NTAQ1: variants seen among roughly 807,000 people sequenced by gnomAD.
The protein encoded by NTAQ1 is N-terminal glutamine amidase 1.
Under a neutral mutation model 28.2 loss-of-function variants are expected in NTAQ1, and 21 were observed. The observed-to-expected ratio is 0.74, with a 90% CI of 0.53 to 1.07. The LOEUF (loss-of-function observed/expected upper bound fraction) is 1.07. Among genes scored for constraint, NTAQ1 ranks in the 50% least tolerant of loss-of-function variants. The pLI, the probability that NTAQ1 is intolerant of heterozygous loss-of-function variation, is 0.00. For synonymous variants in NTAQ1, 105 were observed against 90.0 expected (o/e 1.17, Z -0.94); for missense variants, 264 against 256.6 (o/e 1.03, Z -0.20).
chr8:123,452,747 CA>C (rs11343352), downstream of NTAQ1, among the ~76,000 whole-genome samples: 79,923 of 145,760 alleles, frequency 0.55, 21,541 homozygotes, highest in Non-Finnish European at 0.59. Flanking sequence ...ACTAAAAATA[CA>C]AAAAAAAAAA....
At chr8:123,417,063 GGGA>G in intron 1 of NTAQ1, 131 bp downstream of exon 1, 1 of 894,062 alleles carries the variant, frequency 1.1e-6, no homozygotes, top group Non-Finnish European at 1.6e-6. Flanking sequence ...ACAGTTTTGC[GGGA>G]GGAGGGAGCG....
exon 7 of NTAQ1, among the ~76,000 whole-genome samples, chr8:123,467,650 C>A (rs1815988187): frequency 6.6e-6 from 1 of 152,262 alleles, no homozygotes; most frequent in South Asian, 2.1e-4. Context: ...GCAGTTAGAA[C>A]CAGACCAAAT....
At chr8:123,431,946 C>T (rs1416643882) in intron 3 of NTAQ1, among the ~76,000 whole-genome samples, 3 of 152,204 alleles carry the variant, frequency 2.0e-5, no homozygotes, top group African/African-American at 4.8e-5. Flanking sequence ...CGTGGTCTTA[C>T]TCCCCATCCT....
downstream of NTAQ1, among the ~76,000 whole-genome samples, chr8:123,452,678 G>A (rs1342881831): frequency 1.3e-5 from 2 of 151,984 alleles, no homozygotes; most frequent in Admixed American, 1.3e-4. Flanking sequence ...TAGGCGGGCG[G>A]ATCACCTGAG....
At chr8:123,442,975 C>T (rs569343533), downstream of NTAQ1, among the ~76,000 whole-genome samples, 4 of 151,256 alleles carry the variant, frequency 2.6e-5, no homozygotes, top group African/African-American at 9.7e-5. Flanking sequence ...GCCCCCTTCC[C>T]TAGAAATTTC....
intron 1 of NTAQ1, among the ~76,000 whole-genome samples, chr8:123,422,098 G>C (rs889209253): frequency 1.2e-5 from 1 of 85,768 alleles, no homozygotes; most frequent in African/African-American, 4.4e-5. Flanking sequence ...TTATAGATGT[G>C]AGCCACTGTG....
At chr8:123,425,353 A>G (rs950649792) in intron 1 of NTAQ1, among the ~76,000 whole-genome samples, 2 of 151,920 alleles carry the variant, frequency 1.3e-5, no homozygotes, top group South Asian at 2.1e-4. Flanking sequence ...CAGCCTCCCA[A>G]AGTGCTGGGA....
chr8:123,465,987 T>G (rs1815952678), intron 6 of NTAQ1, among the ~76,000 whole-genome samples: 1 of 152,190 alleles, frequency 6.6e-6, no homozygotes, highest in South Asian at 2.1e-4. Context: ...TCACAGTTTG[T>G]CATTCTGCAT....
Position 123,416,820 on chromosome 8 carries a change from C to T in NTAQ1, c.-30C>T. On this transcript the variant is annotated 5_prime_UTR_variant, in exon 1 of 6. Transcript: ENST00000287387. ...ACGTCTGGTCCAGTCGGTCTTCCTC[C>T]GGCCCGGGCCCTGGCCCAGCTAGCC... 2 of 1,519,470 alleles carry T rather than the reference C, an allele frequency of 1.3e-6. No individual in the cohort carries two copies. Among genetic ancestry groups the T allele is most frequent in the Non-Finnish European group, 1.8e-6 (2 of 1,134,286 alleles). The allele number at this position is 1,519,470 out of a possible 1,614,324, so 94.1% of individuals were successfully genotyped here. A position where few individuals can be genotyped will look rare whatever the true frequency, so the allele number is the denominator to read the frequency against.
chr8:123,437,186 G>C, intron 4 of NTAQ1, 24 bp from the exon 5 acceptor site: 1 of 1,612,964 alleles, frequency 6.2e-7, no homozygotes, highest in South Asian at 1.1e-5. Flanking sequence ...TCCCTAATGT[G>C]AGTGTATATT....
At chr8:123,443,492 G>A (rs943128319), downstream of NTAQ1, among the ~76,000 whole-genome samples, 16 of 152,202 alleles carry the variant, frequency 1.1e-4, no homozygotes, top group African/African-American at 3.9e-4. Flanking sequence ...ATTCTTTCCT[G>A]GGCAAAGCCA....
intron 6 of NTAQ1, among the ~76,000 whole-genome samples, chr8:123,455,924 CA>C (rs1222972726): frequency 6.6e-6 from 1 of 152,102 alleles, no homozygotes; most frequent in Non-Finnish European, 1.5e-5. Context: ...CAGAAAGTGG[CA>C]AGAGAGGTCA....
downstream of NTAQ1, among the ~76,000 whole-genome samples, chr8:123,470,031 G>T (rs1178111055): frequency 6.6e-6 from 1 of 152,212 alleles, no homozygotes; most frequent in Non-Finnish European, 1.5e-5. Context: ...GGTCATGAAG[G>T]TGTGGTCCCC....
chr8:123,468,978 CG>C (rs1230441023), exon 7 of NTAQ1, among the ~76,000 whole-genome samples: 2 of 152,068 alleles, frequency 1.3e-5, no homozygotes, highest in African/African-American at 2.4e-5. Flanking sequence ...ATTAGTAATG[CG>C]AACATCTTTT....
At chr8:123,445,280 C>T (rs1464682434), downstream of NTAQ1, among the ~76,000 whole-genome samples, 5 of 151,262 alleles carry the variant, frequency 3.3e-5, no homozygotes, top group East Asian at 1.9e-4. Flanking sequence ...CCCACCCCCC[C>T]GACAAATGGT....
intron 6 of NTAQ1, among the ~76,000 whole-genome samples, chr8:123,457,165 C>T (rs1362133405): frequency 6.6e-6 from 1 of 152,168 alleles, no homozygotes; most frequent in African/African-American, 2.4e-5. Context: ...CTCCCTGGTT[C>T]AAGCAATTCT....
chr8:123,427,861 G>A, intron 1 of NTAQ1, 63 bp from the exon 2 acceptor site: 1 of 1,359,692 alleles, frequency 7.4e-7, no homozygotes, highest in East Asian at 2.3e-5. Flanking sequence ...TCAGTATTTT[G>A]TTCAAATTTA....
chr8:123,467,629 G>C (rs750876736), exon 7 of NTAQ1, among the ~76,000 whole-genome samples: 29 of 152,208 alleles, frequency 1.9e-4, no homozygotes, highest in Non-Finnish European at 3.5e-4. Context: ...GGTTCCAGAG[G>C]GTTCCTTGGA....
At chr8:123,417,360 C>T (rs1228163338) in intron 1 of NTAQ1, among the ~76,000 whole-genome samples, 1 of 152,032 alleles carries the variant, frequency 6.6e-6, no homozygotes, top group Non-Finnish European at 1.5e-5. Flanking sequence ...CTATATGCCA[C>T]GCGTTGTTCT....
Sources: allele counts gnomAD v4.1 joint callset (sites outside exome capture counted in the v4.1 genomes callset), GRCh38; gene constraint gnomAD v4.1.1; transcripts MANE v1.5; gene names NCBI Gene and HGNC (gene_info 2026-07-23, HGNC 2026-07-21).